KANSL1L: variants seen among roughly 807,000 people sequenced by gnomAD.
The protein encoded by KANSL1L is KAT8 regulatory NSL complex subunit 1-like protein.
KANSL1L carries 25 observed loss-of-function variants against 108.6 expected under a neutral mutation model. The observed-to-expected ratio is 0.23, with a 90% CI of 0.17 to 0.32. The LOEUF is 0.32. KANSL1L is among the 10% of genes least tolerant of loss of function. The pLI is 1.00. For synonymous variants in KANSL1L, 405 were observed against 395.1 expected (o/e 1.03, Z -0.30); for missense variants, 1,137 against 1,125.7 (o/e 1.01, Z -0.14).
chr2:210,051,439 T>G (rs1403288002), intron 6 of KANSL1L, among the ~76,000 whole-genome samples: 1 of 152,158 alleles, frequency 6.6e-6, no homozygotes, highest in Non-Finnish European at 1.5e-5. Context: ...CTCAGAAAAT[T>G]GACAGTATGC....
At chr2:210,104,405 A>T in intron 3 of KANSL1L, 104 bp from the exon 4 acceptor site, 1 of 762,392 alleles carries the variant, frequency 1.3e-6, no homozygotes, top group African/African-American at 1.8e-5. Flanking sequence ...TATCTCTTGG[A>T]ATTCAGAAAA....
Position 210,154,307 on chromosome 2 carries a change from G to T in KANSL1L, c.276C>A (p.His92Gln). 1 of 1,612,254 alleles carries T rather than the reference G, an allele frequency of 6.2e-7. No individual in the cohort carries two copies. Among genetic ancestry groups the T allele is most frequent in the Non-Finnish European group, 8.5e-7 (1 of 1,178,818 alleles). ...LMRSNSTLNK[H>Q]NENYKQKKLG... ...ATTTCTTTTGTTTATAATTCTCATT[G>T]TGTTTATTTAATGTAGAATTAGATC... is the stretch of plus-strand genomic sequence containing the variant. Residue 92 changes from histidine to glutamine, a missense_variant, in exon 2 of 15, where the codon CAC becomes CAA. Physicochemically the swap from His to Gln is conservative, Grantham distance 24 (BLOSUM62 0). This residue lies in a region of KANSL1L where 556 missense variants were observed against 537.7 expected (regional missense o/e 1.03). Transcript: ENST00000281772.
intron 3 of KANSL1L, among the ~76,000 whole-genome samples, chr2:210,113,996 AAGAC>A (rs1011841590): frequency 6.6e-6 from 1 of 152,182 alleles, no homozygotes; most frequent in African/African-American, 2.4e-5. Flanking sequence ...AAAGAAGAGA[AAGAC>A]AGGCAGAGAG....
intron 7 of KANSL1L, among the ~76,000 whole-genome samples, 172 bp from the exon 8 acceptor site, chr2:210,040,699 G>C (rs1044606545): frequency 6.6e-6 from 1 of 152,066 alleles, no homozygotes. Flanking sequence ...CTCTTTCCAA[G>C]CATGTTGGTA....
intron 8 of KANSL1L, among the ~76,000 whole-genome samples, chr2:210,035,759 G>C (rs142089865): frequency 6.6e-6 from 1 of 152,150 alleles, no homozygotes; most frequent in Admixed American, 6.5e-5. Flanking sequence ...GATTACAGGC[G>C]TGAGCCACTG....
intron 5 of KANSL1L, chr2:210,096,633 T>C: frequency 8.1e-6 from 8 of 985,308 alleles, no homozygotes; most frequent in Non-Finnish European, 9.6e-6. Context: ...TGATGTGTTT[T>C]ATGGGGCAGC....
intron 5 of KANSL1L, among the ~76,000 whole-genome samples, chr2:210,083,267 C>T (rs919257094): frequency 2.0e-5 from 3 of 152,102 alleles, no homozygotes; most frequent in Admixed American, 6.6e-5. Context: ...TAATAAGAAA[C>T]ACCTGTTATT....
At chr2:210,068,299 G>GTT (rs200180875) in intron 6 of KANSL1L, among the ~76,000 whole-genome samples, 2 of 151,032 alleles carry the variant, frequency 1.3e-5, no homozygotes, top group Non-Finnish European at 3.0e-5. Context: ...CTTTTTTCTT[G>GTT]TTTTTTTTAG....
intron 6 of KANSL1L, among the ~76,000 whole-genome samples, chr2:210,070,573 C>A (rs745566904): frequency 3.3e-5 from 5 of 152,030 alleles, no homozygotes; most frequent in Non-Finnish European, 7.4e-5. Flanking sequence ...GATTTAGGAC[C>A]CATTCTAAAT....
intron 6 of KANSL1L, among the ~76,000 whole-genome samples, chr2:210,066,732 T>C (rs1258189477): frequency 2.6e-5 from 4 of 152,210 alleles, no homozygotes; most frequent in Non-Finnish European, 5.9e-5. Context: ...TCTTTGTTGT[T>C]TTATCAGTAG....
At chr2:210,096,485 AG>A (rs1403247459) in intron 5 of KANSL1L, 5 of 984,734 alleles carry the variant, frequency 5.1e-6, no homozygotes, top group Non-Finnish European at 6.0e-6. Flanking sequence ...AATACAGGCA[AG>A]TATATTAAAA....
chr2:210,166,476 A>T (rs1001711560), intron 1 of KANSL1L, among the ~76,000 whole-genome samples: 2 of 152,148 alleles, frequency 1.3e-5, no homozygotes, highest in Non-Finnish European at 2.9e-5. Context: ...TAATCTATAT[A>T]AGAACCACTC....
At chr2:210,169,337 T>C (rs1055317218) in intron 1 of KANSL1L, among the ~76,000 whole-genome samples, 1 of 152,206 alleles carries the variant, frequency 6.6e-6, no homozygotes, top group Non-Finnish European at 1.5e-5. Flanking sequence ...GATAGTTACA[T>C]GGCGAAATGT....
At chr2:210,108,430 A>G (rs1295553214) in intron 3 of KANSL1L, among the ~76,000 whole-genome samples, 1 of 152,210 alleles carries the variant, frequency 6.6e-6, no homozygotes, top group Admixed American at 6.5e-5. Context: ...AAAGAGTTTA[A>G]ACAAGAAGTA....
chr2:210,076,094 T>G (rs1331533758), intron 5 of KANSL1L, among the ~76,000 whole-genome samples: 3 of 152,188 alleles, frequency 2.0e-5, no homozygotes, highest in Non-Finnish European at 4.4e-5. Context: ...CACAAAATTC[T>G]TTTTGTGTAT....
intron 6 of KANSL1L, among the ~76,000 whole-genome samples, chr2:210,071,458 G>A (rs1407716520): frequency 2.0e-5 from 3 of 151,810 alleles, no homozygotes; most frequent in South Asian, 2.1e-4. Flanking sequence ...TAGTAGAGAC[G>A]GGATTTTGCC....
intron 5 of KANSL1L, 101 bp downstream of exon 5, chr2:210,097,984 CA>C (rs2094754259): frequency 2.0e-5 from 19 of 944,356 alleles, no homozygotes; most frequent in South Asian, 9.9e-5. Context: ...CCCTAATGTA[CA>C]AAAAAAGTAG....
At chr2:210,070,516 C>T (rs1472686024) in intron 6 of KANSL1L, among the ~76,000 whole-genome samples, 1 of 152,142 alleles carries the variant, frequency 6.6e-6, no homozygotes, top group Non-Finnish European at 1.5e-5. Context: ...AGGCGTGAGC[C>T]ACTGCGCCCA....
chr2:210,159,863 G>A (rs1290791195), intron 1 of KANSL1L, among the ~76,000 whole-genome samples: 4 of 152,014 alleles, frequency 2.6e-5, no homozygotes, highest in African/African-American at 4.8e-5. Context: ...GTGAAACCCC[G>A]TCTCTACTAA....
Sources: gnomAD v4.1 joint callset for allele counts (sites outside exome capture counted in the v4.1 genomes callset) on GRCh38, gnomAD v4.1.1 for gene constraint, gnomAD v4.1.1 regional missense constraint, MANE v1.5 for transcripts, NCBI Gene and HGNC (gene_info 2026-07-23, HGNC 2026-07-21) for gene names.